The following KALRN variants were observed in gnomAD, a reference collection of about 807,000 sequenced individuals.
KALRN encodes the protein kalirin RhoGEF kinase.
KALRN carries 70 observed loss-of-function variants against 353.7 expected under a neutral mutation model. The ratio of observed to expected loss-of-function variants is 0.20; its 90% confidence interval spans 0.16 to 0.24. The LOEUF (loss-of-function observed/expected upper bound fraction) is 0.24, where lower values mean the gene tolerates loss of function less well. Ranked by LOEUF, KALRN falls within the 10% of genes least tolerant of loss-of-function variation. KALRN has a pLI of 1.00. For missense variants in KALRN, 2,791 were observed against 3,756.7 expected (o/e 0.74, Z 6.72); for synonymous variants, 1,391 against 1,434.8 (o/e 0.97, Z 0.69).
intron 6 of KALRN, among the ~76,000 whole-genome samples, chr3:124,316,428 G>T (rs1450663879): frequency 1.3e-5 from 2 of 152,154 alleles, no homozygotes; most frequent in Admixed American, 6.5e-5. Context: ...ATGGCTTACT[G>T]GGATCCAATA....
intron 21 of KALRN, among the ~76,000 whole-genome samples, chr3:124,448,416 T>G (rs1421860478): frequency 6.6e-6 from 1 of 152,202 alleles, no homozygotes; most frequent in Non-Finnish European, 1.5e-5. Context: ...GCTCCACAAC[T>G]CTACAGCTGT....
chr3:124,508,991 G>A (rs904922651), intron 33 of KALRN, among the ~76,000 whole-genome samples: 1 of 152,100 alleles, frequency 6.6e-6, no homozygotes, highest in South Asian at 2.1e-4. Context: ...TTACCTGTGT[G>A]TACAGTGGGT....
chr3:124,053,879 G>A (rs1340505530), intron 1 of KALRN, among the ~76,000 whole-genome samples: 1 of 152,196 alleles, frequency 6.6e-6, no homozygotes, highest in East Asian at 1.9e-4. Flanking sequence ...GGCTTGTTGT[G>A]CATAAACATT....
At chr3:124,181,582 C>T (rs1022228073) in intron 1 of KALRN, among the ~76,000 whole-genome samples, 7 of 152,088 alleles carry the variant, frequency 4.6e-5, no homozygotes, top group African/African-American at 1.7e-4. Flanking sequence ...AGGTGTAAAT[C>T]CCTGGCACCA....
intron 1 of KALRN, among the ~76,000 whole-genome samples, chr3:124,172,376 G>T (rs963392202): frequency 1.3e-5 from 2 of 152,184 alleles, no homozygotes; most frequent in South Asian, 4.1e-4. Context: ...AAGAGGGAGA[G>T]AGTTTAAGAA....
intron 26 of KALRN, among the ~76,000 whole-genome samples, chr3:124,475,278 GTA>G (rs1455226639): frequency 6.6e-6 from 1 of 152,070 alleles, no homozygotes; most frequent in African/African-American, 2.4e-5. Flanking sequence ...GATTTTTTGG[GTA>G]TCCATCCCAA....
At chr3:124,579,242 C>T (rs1346188315) in intron 34 of KALRN, among the ~76,000 whole-genome samples, 1 of 152,140 alleles carries the variant, frequency 6.6e-6, no homozygotes, top group Non-Finnish European at 1.5e-5. Context: ...TGTGGTACAC[C>T]TGGCCTACTA....
chr3:124,116,063 A>G (rs1239432301), intron 1 of KALRN, among the ~76,000 whole-genome samples: 1 of 152,224 alleles, frequency 6.6e-6, no homozygotes, highest in African/African-American at 2.4e-5. Context: ...GTTTTAGAAT[A>G]TCCGTATGGT....
intron 33 of KALRN, among the ~76,000 whole-genome samples, chr3:124,524,652 G>A (rs777086309): frequency 6.6e-6 from 1 of 152,182 alleles, no homozygotes; most frequent in Admixed American, 6.5e-5. Context: ...TCAATGAGCT[G>A]AATCAGTATT....
intron 33 of KALRN, among the ~76,000 whole-genome samples, chr3:124,542,298 C>G (rs1446447733): frequency 6.6e-6 from 1 of 152,216 alleles, no homozygotes; most frequent in Non-Finnish European, 1.5e-5. Context: ...AGCTCTGGAA[C>G]TTAGTAGCCG....
chr3:124,549,575 T>G (rs1347155959), intron 33 of KALRN, among the ~76,000 whole-genome samples: 1 of 152,178 alleles, frequency 6.6e-6, no homozygotes, highest in Non-Finnish European at 1.5e-5. Flanking sequence ...TTATTTTAGT[T>G]TTATAGTATA....
rs112556342 is a variant in KALRN at position 124,207,047 on chromosome 3, A to T, written c.74-20943A>T. 2.2e-3 allele frequency among the ~76,000 whole-genome samples: 337 copies of T among 152,322 alleles called. 2 individuals carry two copies. Among genetic ancestry groups the T allele is most frequent in the African/African-American group, 7.8e-3 (325 of 41,568 alleles). ...GAGGCAAGCAGCAGCAGTGAAATAC[A>T]TGGGATCCACTGGAACATCACAACA... is the stretch of plus-strand genomic sequence containing the variant. On this transcript the variant is annotated intron_variant, in intron 1 of 59. Coordinates refer to ENST00000682506, the MANE Select transcript of KALRN (RefSeq NM_001388419.1).
chr3:124,164,785 A>G lies in KALRN; in HGVS notation c.74-63205A>G, dbSNP rs182026016. On this transcript the variant is annotated intron_variant, in intron 1 of 59. Coordinates refer to ENST00000682506, the MANE Select transcript of KALRN (RefSeq NM_001388419.1). ...AGTGATCTTTCACTATCTAATTAATATTGTAGAAAATGTCCAAGTCTAGAC... is the reference window on the plus strand; with the variant it reads ...AGTGATCTTTCACTATCTAATTAATGTTGTAGAAAATGTCCAAGTCTAGAC... The G allele has an allele frequency of 2.6e-5, 4 of 152,322 alleles. No homozygotes were observed. The East Asian group carries it at 7.7e-4, about 29-fold the overall frequency. 9.4% of individuals were successfully genotyped at this position (152,322 alleles called of 1,614,324 possible). A position where few individuals can be genotyped will look rare whatever the true frequency, so the allele number is the denominator to read the frequency against.
chr3:124,656,928 C>G (rs886840438), intron 39 of KALRN, among the ~76,000 whole-genome samples: 1 of 152,108 alleles, frequency 6.6e-6, no homozygotes, highest in Non-Finnish European at 1.5e-5. Context: ...GGCTGAAATG[C>G]AGGGAACTCA....
chr3:124,088,261 A>G (rs1260527220), intron 1 of KALRN, among the ~76,000 whole-genome samples: 1 of 152,184 alleles, frequency 6.6e-6, no homozygotes, highest in African/African-American at 2.4e-5. Flanking sequence ...CACATGTGTC[A>G]CAAGGTATAG....
chr3:124,358,085 C>T (rs1459794720), intron 10 of KALRN, among the ~76,000 whole-genome samples: 1 of 152,122 alleles, frequency 6.6e-6, no homozygotes, highest in Non-Finnish European at 1.5e-5. Context: ...TGGGGGTCAC[C>T]CTGATTAGCC....
At chr3:124,079,143 AAG>A (rs775599961) in intron 1 of KALRN, among the ~76,000 whole-genome samples, 7 of 152,132 alleles carry the variant, frequency 4.6e-5, no homozygotes, top group Non-Finnish European at 8.8e-5. Context: ...TTGGGTCGGG[AAG>A]AGAGACTGTA....
chr3:124,442,429 A>C (rs1317859504), intron 19 of KALRN, among the ~76,000 whole-genome samples: 2 of 152,208 alleles, frequency 1.3e-5, no homozygotes, highest in Non-Finnish European at 2.9e-5. Context: ...ATATTAACTA[A>C]TTTAAATGTA....
At chr3:124,636,731 T>C (rs1049270161) in intron 36 of KALRN, among the ~76,000 whole-genome samples, 1 of 151,990 alleles carries the variant, frequency 6.6e-6, no homozygotes, top group Admixed American at 6.6e-5. Context: ...ATAATAAAGA[T>C]CTATATCTAA....
Sources: allele counts gnomAD v4.1 joint callset (sites outside exome capture counted in the v4.1 genomes callset), GRCh38; gene constraint gnomAD v4.1.1; transcripts MANE v1.5; gene names NCBI Gene and HGNC (gene_info 2026-07-23, HGNC 2026-07-21).